Variants in POLR2F observed in about 807,000 individuals in gnomAD.
POLR2F encodes DNA-directed RNA polymerases I, II, and III subunit RPABC2.
In POLR2F, 12 loss-of-function variants were observed where a neutral mutation model predicts 22.7. The ratio of observed to expected loss-of-function variants is 0.53; its 90% CI spans 0.34 to 0.86. POLR2F has a LOEUF of 0.86. Ranked by LOEUF, POLR2F falls within the 40% of genes least tolerant of loss-of-function variation. POLR2F has a pLI of 0.02. For synonymous variants in POLR2F, 57 were observed against 66.0 expected, an observed-to-expected ratio of 0.86 and a Z score of 0.66; for missense variants, 126 against 171.5, an observed-to-expected ratio of 0.73 and a Z score of 1.48.
At chr22:38,019,450 G>A (rs2084941893) in intron 1 of POLR2F, among the ~76,000 whole-genome samples, 1 of 152,200 alleles carries the variant, frequency 6.6e-6, no homozygotes, top group South Asian at 2.1e-4. Context: ...GACCTCCTTG[G>A]GGGTGGTTGG....
Position 37,953,727 on chromosome 22 carries a change from C to G in POLR2F, c.-61C>G, listed in dbSNP as rs937445479. On this transcript the variant is annotated 5_prime_UTR_variant, in exon 1 of 5. Coordinates refer to ENST00000442738, the MANE Select transcript of POLR2F (RefSeq NM_021974.5). ...CTAGGAGCCGCGCGAGTCGTAGTGT[C>G]GCTGTTTGCGGGTCTCCGCGCGGGA... The G allele has an allele frequency of 3.2e-6, 5 of 1,581,376 alleles. No individual in the cohort carries two copies. The South Asian group carries it at 4.6e-5, about 14-fold the overall frequency.
At chr22:38,034,414 C>CCAACCCTTCT (rs1306467374) in intron 5 of POLR2F, among the ~76,000 whole-genome samples, 10 of 152,328 alleles carry the variant, frequency 6.6e-5, no homozygotes, top group African/African-American at 2.4e-4. Context: ...CAGGCAGGTC[C>CCAACCCTTCT]CAACCCTTCT....
chr22:37,981,798 T>C (rs1932405557), upstream of POLR2F, among the ~76,000 whole-genome samples: 1 of 152,170 alleles, frequency 6.6e-6, no homozygotes, highest in Admixed American at 6.5e-5. Context: ...CCTCTGCTCT[T>C]GGGCAGAACT....
intron 1 of POLR2F, among the ~76,000 whole-genome samples, chr22:37,989,724 G>T (rs1932682663): frequency 6.6e-6 from 1 of 152,230 alleles, no homozygotes; most frequent in African/African-American, 2.4e-5. Flanking sequence ...TGATGACAGG[G>T]TGTGGACTGG....
upstream of POLR2F, chr22:37,983,744 G>A: frequency 2.0e-6 from 3 of 1,485,662 alleles, no homozygotes; most frequent in South Asian, 1.2e-5. The surrounding 1 kb of genome is among the most constrained non-coding windows in gnomAD (Gnocchi z 9.5). Flanking sequence ...CGAGCCCACG[G>A]GGCTCAGCTC....
rs1217261460 is a variant in POLR2F at position 38,031,788 on chromosome 22, C to G, written c.453-9280C>G. 1.3e-5 allele frequency among the ~76,000 whole-genome samples: 2 copies of G among 152,158 alleles called. No individual in the cohort carries two copies. Among genetic ancestry groups the G allele is most frequent in the African/African-American group, 4.8e-5 (2 of 41,422 alleles). ...ACCCCTCCCCGCTTCCCTGCCCCAT[C>G]AACGGCCCCACTGTTCTCCAGTGAC... is the stretch of plus-strand genomic sequence containing the variant. On this transcript the variant is annotated intron_variant, in intron 5 of 5. Transcript: ENST00000407936. The surrounding 1 kb of genome is among the most constrained non-coding windows in gnomAD (Gnocchi z 4.1).
chr22:38,022,551 CAAAA>C (rs376987789), intron 1 of POLR2F, among the ~76,000 whole-genome samples: 4 of 55,842 alleles, frequency 7.2e-5, no homozygotes, highest in Non-Finnish European at 1.4e-4. Flanking sequence ...AACGCTGTCT[CAAAA>C]AAAAAAAAAA....
chr22:37,983,938 G>C (rs1932491388), upstream of POLR2F: 1 of 502,800 alleles, frequency 2.0e-6, no homozygotes, highest in African/African-American at 2.1e-5. This position sits in a 1 kb window ranked among gnomAD's most constrained non-coding sequence, Gnocchi z 9.5. Context: ...ACAGGACGTG[G>C]GCACAGCCCC....
At chr22:37,973,907 T>C, downstream of POLR2F, 1 of 1,610,102 alleles carries the variant, frequency 6.2e-7, no homozygotes, top group Non-Finnish European at 8.5e-7. Flanking sequence ...CCAGGCGGAG[T>C]GTCCACTGGC....
intron 1 of POLR2F, among the ~76,000 whole-genome samples, chr22:38,008,973 A>T (rs2084848497): frequency 6.6e-6 from 1 of 152,160 alleles, no homozygotes. Flanking sequence ...ACAGTGATGG[A>T]GGGGCAGGCC....
chr22:37,994,255 T>C (rs1342670181), intron 1 of POLR2F, among the ~76,000 whole-genome samples: 1 of 152,114 alleles, frequency 6.6e-6, no homozygotes, highest in East Asian at 1.9e-4. Context: ...ACAGGAAGTA[T>C]AATATCTGCT....
chr22:37,974,295 G>A (rs1932158640), downstream of POLR2F: 4 of 882,552 alleles, frequency 4.5e-6, no homozygotes, highest in Non-Finnish European at 7.1e-6. The surrounding 1 kb of genome is among the most constrained non-coding windows in gnomAD (Gnocchi z 5.4). Flanking sequence ...TTCAGGCAGC[G>A]GGTGCCTCTG....
chr22:38,010,567 G>T (rs1304505378), intron 1 of POLR2F, among the ~76,000 whole-genome samples: 2 of 125,916 alleles, frequency 1.6e-5, no homozygotes, highest in African/African-American at 3.0e-5. Flanking sequence ...TAATAAATAT[G>T]TATATGTAAT....
intron 4 of POLR2F, among the ~76,000 whole-genome samples, chr22:37,975,933 T>C (rs1932206648): frequency 6.6e-6 from 1 of 151,910 alleles, no homozygotes. Context: ...TCTATATATA[T>C]ACTATATATA....
At chr22:38,003,509 G>A (rs1176052193) in intron 1 of POLR2F, among the ~76,000 whole-genome samples, 1 of 151,922 alleles carries the variant, frequency 6.6e-6, no homozygotes, top group Non-Finnish European at 1.5e-5. Context: ...TTACAGGAGT[G>A]AGCCACTGCA....
chr22:37,953,726 T>C lies in POLR2F; in HGVS notation c.-62T>C. ...GCTAGGAGCCGCGCGAGTCGTAGTG[T>C]CGCTGTTTGCGGGTCTCCGCGCGGG... is the stretch of plus-strand genomic sequence containing the variant. On this transcript the variant is annotated 5_prime_UTR_variant, in exon 1 of 5. Transcript: ENST00000442738. 1 of 1,581,462 alleles carries C rather than the reference T, an allele frequency of 6.3e-7. No homozygotes were observed. Among genetic ancestry groups the C allele is most frequent in the South Asian group, 1.1e-5 (1 of 87,266 alleles).
upstream of POLR2F, chr22:37,983,966 T>C (rs1289471416): frequency 2.6e-6 from 1 of 385,080 alleles, no homozygotes; most frequent in African/African-American, 2.2e-5. This position sits in a 1 kb window ranked among gnomAD's most constrained non-coding sequence, Gnocchi z 9.5. Flanking sequence ...CGGCCCTTCC[T>C]GCTCCAGCTA....
chr22:38,004,897 T>G (rs1411005874), intron 1 of POLR2F, among the ~76,000 whole-genome samples: 1 of 152,150 alleles, frequency 6.6e-6, no homozygotes, highest in African/African-American at 2.4e-5. Flanking sequence ...TGAGCTGAAA[T>G]TGGGCCATTG....
rs571497412 is a variant in POLR2F, at chr22:37,998,903, G to A, written c.120+12591G>A. 2.6e-5 allele frequency among the ~76,000 whole-genome samples: 4 copies of A among 152,136 alleles called. No individual in the cohort carries two copies. The South Asian group carries it at 8.3e-4, about 32-fold the overall frequency. On this transcript the variant is annotated intron_variant, in intron 1 of 2. Coordinates refer to the POLR2F transcript ENST00000333418. Reference sequence around the variant, plus strand: ...CTGAGACGGAGATGTCAAAGGCAGGGCATTAGGGTCTGGCTGGTACAGGAG... The same window carrying A: ...CTGAGACGGAGATGTCAAAGGCAGGACATTAGGGTCTGGCTGGTACAGGAG...
Sources: gnomAD v4.1 joint callset for allele counts (sites outside exome capture counted in the v4.1 genomes callset) on GRCh38, gnomAD v4.1.1 for gene constraint, Gnocchi (gnomAD v3.1) non-coding constraint, MANE v1.5 for transcripts, NCBI Gene and HGNC (gene_info 2026-07-23, HGNC 2026-07-21) for gene names.